Variants in IFT74 observed in about 807,000 individuals in gnomAD.
The protein encoded by IFT74 is intraflagellar transport protein 74 homolog.
Under a neutral mutation model 96.7 loss-of-function variants are expected in IFT74, and 92 were observed. The observed-to-expected ratio is 0.95, with a 90% confidence interval of 0.80 to 1.13. IFT74 has a LOEUF of 1.13. Ranked by LOEUF, IFT74 falls within the 50% of genes most tolerant of loss-of-function variation. The probability of loss-of-function intolerance (pLI) is 0.00; values close to 1 mark genes in which losing one functional copy is unlikely to be tolerated. For synonymous variants in IFT74, 223 were observed against 213.2 expected (o/e 1.05, Z -0.40); for missense variants, 811 against 698.2 (o/e 1.16, Z -1.82).
chr9:26,991,151 G>A (rs1212665406), intron 8 of IFT74, among the ~76,000 whole-genome samples: 1 of 152,100 alleles, frequency 6.6e-6, no homozygotes, highest in Non-Finnish European at 1.5e-5. Context: ...ATTTGATGAT[G>A]GATAGATGTT....
At chr9:26,998,255 A>T (rs746886433) in intron 8 of IFT74, 2 of 1,379,138 alleles carry the variant, frequency 1.5e-6, no homozygotes, top group African/African-American at 1.5e-5. Flanking sequence ...GAAAAACAAA[A>T]AAAAGAAAGG....
At position 26,985,461 on chromosome 9, in the gene IFT74, A is replaced by T. The variant is rs530912879; in HGVS notation, c.465+902A>T. 2.0e-4 allele frequency among the ~76,000 whole-genome samples: 30 copies of T among 152,348 alleles called. No individual in the cohort carries two copies. In the South Asian group the frequency reaches 6.2e-3, roughly 32 times the overall value. On this transcript the variant is annotated intron_variant, in intron 6 of 19. Coordinates refer to ENST00000380062, the MANE Select transcript of IFT74 (RefSeq NM_025103.4). Reference sequence around the variant, plus strand: ...CTAAAATAAAAATTTCAAAAATTTCAAAAACAATAAAACATTTGATGAAAA... The same window carrying T: ...CTAAAATAAAAATTTCAAAAATTTCTAAAACAATAAAACATTTGATGAAAA...
chr9:27,018,825 C>T (rs917404922), intron 12 of IFT74, 138 bp downstream of exon 12: 3 of 438,084 alleles, frequency 6.8e-6, no homozygotes, highest in Non-Finnish European at 1.2e-5. Context: ...AGAGCCATTG[C>T]ATAGTATAAT....
At chr9:27,054,187 T>C (rs1487071950) in intron 16 of IFT74, among the ~76,000 whole-genome samples, 1 of 152,238 alleles carries the variant, frequency 6.6e-6, no homozygotes, top group East Asian at 1.9e-4. Flanking sequence ...AATTCATTCA[T>C]ATTCATTTAC....
intron 16 of IFT74, among the ~76,000 whole-genome samples, chr9:27,051,180 T>C (rs944399488): frequency 6.6e-6 from 1 of 152,168 alleles, no homozygotes. Context: ...CATTCTGAAA[T>C]AGAACTGCCC....
intron 4 of IFT74, among the ~76,000 whole-genome samples, chr9:26,983,173 GT>G (rs1386070250): frequency 2.0e-5 from 3 of 152,096 alleles, no homozygotes; most frequent in African/African-American, 4.8e-5. Context: ...GAAAAGTATG[GT>G]TTCCCCCCAT....
chr9:26,961,845 T>C, intron 1 of IFT74, 104 bp from the exon 2 acceptor site: 2 of 1,250,478 alleles, frequency 1.6e-6, no homozygotes, highest in South Asian at 1.4e-5. Flanking sequence ...GAACGGCAGT[T>C]TGCAAGAACA....
At chr9:27,010,488 T>TG (rs1320900431) in intron 9 of IFT74, among the ~76,000 whole-genome samples, 3 of 148,106 alleles carry the variant, frequency 2.0e-5, no homozygotes, top group South Asian at 4.2e-4. Context: ...TTTTTTTGTT[T>TG]TTTTTTTTTT....
chr9:26,987,051 G>GT lies in IFT74; in HGVS notation c.466-1611dup, dbSNP rs1563952423. Among the ~76,000 whole-genome samples the GT allele has an allele frequency of 3.3e-5, 5 of 151,504 alleles. No homozygotes were observed. In the South Asian group the frequency reaches 1.0e-3, roughly 32 times the overall value. On this transcript the variant is annotated intron_variant, in intron 6 of 19. Coordinates refer to ENST00000380062, the MANE Select transcript of IFT74 (RefSeq NM_025103.4). The stretch of plus-strand genomic sequence containing the variant: ...AATGTGAGCAAAATAGTTTTTTTTT[G>GT]TTTTTTTGTTCTTCTTGAGATGGAG...
rs750937706 is a variant in IFT74 at position 26,978,211 on chromosome 9, C to T, written c.204C>T (p.Ala68=). 1 of 1,613,500 alleles carries T rather than the reference C, an allele frequency of 6.2e-7. No individual in the cohort carries two copies. The highest frequency in any genetic ancestry group is 8.5e-7 in the Non-Finnish European group (1 of 1,179,874). ...TTCTGTCTTCTCAAATCAAAGTTGC[C>T]CATCGCCCTGTAACACAACAAGGTT... ...GGVLSSQIKV[A]HRPVTQQGLT... is the part of the protein sequence containing the mutation. The change falls in exon 3 of 20, where the codon GCC becomes GCT. Residue 68 remains alanine, a synonymous_variant. Transcript: ENST00000380062.
intron 1 of IFT74, among the ~76,000 whole-genome samples, chr9:26,948,448 ATTTTTTT>A (rs71841244): frequency 1.0e-3 from 62 of 59,116 alleles, no homozygotes; most frequent in African/African-American, 1.6e-3. Context: ...GCTTTCCATT[ATTTTTTT>A]TTTTTTTTTT....
At chr9:26,982,551 G>C (rs1456287613) in intron 4 of IFT74, among the ~76,000 whole-genome samples, 1 of 151,038 alleles carries the variant, frequency 6.6e-6, no homozygotes, top group Admixed American at 6.6e-5. Context: ...CGCCTCCCGG[G>C]TTCAAGTGAT....
chr9:26,994,543 A>G (rs1407169167), intron 8 of IFT74: 1 of 151,958 alleles, frequency 6.6e-6, no homozygotes, highest in Non-Finnish European at 1.5e-5. Flanking sequence ...TCTCAAAAAA[A>G]AAAAAAAAAA....
upstream of IFT74, chr9:26,956,237 C>G (rs1309464868): frequency 6.6e-6 from 1 of 152,240 alleles, no homozygotes; most frequent in Non-Finnish European, 1.5e-5. Flanking sequence ...TCCAGCCGCC[C>G]CGCTGTTTTC....
intron 8 of IFT74, among the ~76,000 whole-genome samples, chr9:27,001,591 T>A (rs1250690275): frequency 6.6e-6 from 1 of 152,192 alleles, no homozygotes; most frequent in African/African-American, 2.4e-5. Context: ...CATACTTGTT[T>A]GTCTTTTGTG....
Position 27,062,822 on chromosome 9 carries a change from A to G in IFT74, c.*86A>G. On this transcript the variant is annotated 3_prime_UTR_variant, in exon 20 of 20. Transcript: ENST00000380062. ...TGACTACCAAAAAAAAAAAAAGCTT[A>G]CTTTTGGAGTTTACCTAAAATTTCT... 1.3e-6 allele frequency: 1 copy of G among 746,522 alleles called. No individual in the cohort carries two copies. The highest frequency in any genetic ancestry group is 2.2e-6 in the Non-Finnish European group (1 of 446,210). The allele number at this position is 746,522 out of a possible 1,614,324, so 46.2% of individuals were successfully genotyped here.
At chr9:27,022,371 T>C (rs1367288049) in intron 12 of IFT74, among the ~76,000 whole-genome samples, 1 of 152,156 alleles carries the variant, frequency 6.6e-6, no homozygotes, top group Admixed American at 6.5e-5. Flanking sequence ...CTGTGAAGAA[T>C]GATGATGGTG....
chr9:27,038,255 G>A (rs1208686194), intron 13 of IFT74, among the ~76,000 whole-genome samples: 1 of 151,932 alleles, frequency 6.6e-6, no homozygotes, highest in Non-Finnish European at 1.5e-5. Context: ...CAGGAATATG[G>A]TTTTGTTTTT....
In IFT74 at chr9:27,063,568, C is replaced by T. The variant is rs985064557; in HGVS notation, c.*832C>T. Reference sequence around the variant, plus strand: ...GACATTATATTAACTGTAGATGTATCTTCTCTTATCGTGCAGGAATGAGTC... The same window carrying T: ...GACATTATATTAACTGTAGATGTATTTTCTCTTATCGTGCAGGAATGAGTC... On this transcript the variant is annotated 3_prime_UTR_variant, in exon 20 of 20. Coordinates refer to ENST00000380062, the MANE Select transcript of IFT74 (RefSeq NM_025103.4). Among the ~76,000 whole-genome samples the T allele has an allele frequency of 6.6e-6, 1 of 152,036 alleles. No homozygotes were observed. Among genetic ancestry groups the T allele is most frequent in the African/African-American group, 2.4e-5 (1 of 41,430 alleles).
Sources: gnomAD v4.1 joint callset for allele counts (sites outside exome capture counted in the v4.1 genomes callset) on GRCh38, gnomAD v4.1.1 for gene constraint, MANE v1.5 for transcripts, NCBI Gene and HGNC (gene_info 2026-07-23, HGNC 2026-07-21) for gene names.